Variants in SOX6 observed in about 807,000 individuals in gnomAD.
SOX6 encodes transcription factor SOX-6.
In SOX6, 11 loss-of-function variants were observed where a neutral mutation model predicts 97.8. The observed-to-expected ratio is 0.11, with a 90% CI of 0.07 to 0.19. The LOEUF is 0.19. SOX6 is among the 10% of genes least tolerant of loss of function. The pLI is 1.00. For synonymous variants in SOX6, 360 were observed against 371.4 expected (o/e 0.97, Z 0.35); for missense variants, 810 against 1,039.5 (o/e 0.78, Z 3.04).
chr11:16,253,899 A>G (rs1308223945), intron 3 of SOX6, among the ~76,000 whole-genome samples: 1 of 152,114 alleles, frequency 6.6e-6, no homozygotes, highest in African/African-American at 2.4e-5. Context: ...TAAATGTCCA[A>G]AAAAATACAC....
intron 4 of SOX6, among the ~76,000 whole-genome samples, chr11:16,218,006 T>C (rs1322943431): frequency 1.3e-5 from 2 of 152,108 alleles, no homozygotes; most frequent in Non-Finnish European, 2.9e-5. Flanking sequence ...GTTGATTTTA[T>C]GTTTGCTTCT....
intron 4 of SOX6, among the ~76,000 whole-genome samples, chr11:16,229,139 G>A (rs1209353507): frequency 2.0e-5 from 3 of 151,988 alleles, no homozygotes; most frequent in East Asian, 1.9e-4. Flanking sequence ...CCCTTTCCCA[G>A]CTTCATTACA....
chr11:16,723,117 C>T (rs1030129197), intron 2 of SOX6, among the ~76,000 whole-genome samples: 46 of 152,232 alleles, frequency 3.0e-4, no homozygotes, highest in African/African-American at 9.9e-4. Context: ...AAATATAGTA[C>T]ATATACACCA....
chr11:16,240,387 A>G (rs1036714638), intron 3 of SOX6, among the ~76,000 whole-genome samples: 1 of 151,700 alleles, frequency 6.6e-6, no homozygotes, highest in African/African-American at 2.4e-5. Context: ...TAAGGAAGAA[A>G]AAGCTCCATA....
intron 3 of SOX6, among the ~76,000 whole-genome samples, chr11:16,304,274 C>T (rs1161009355): frequency 6.6e-6 from 1 of 151,990 alleles, no homozygotes; most frequent in Non-Finnish European, 1.5e-5. Flanking sequence ...TTTTGTGTCT[C>T]CCCCAAAATT....
In SOX6 at chr11:16,613,277, CAACTA is replaced by C. The variant is rs1454584684; in HGVS notation, n.430-1022_430-1018del. ...TGTCTGTGTCTCTCTTCCCCACCCCCAACTACCCCTGCCACTCAGATCAGCCGGCA... is the reference window on the plus strand; with the variant it reads ...TGTCTGTGTCTCTCTTCCCCACCCCCCCCCTGCCACTCAGATCAGCCGGCA... On this transcript the variant is annotated intron_variant and non_coding_transcript_variant, in intron 3 of 5. Transcript: ENST00000524520. This position sits in a 1 kb window ranked among gnomAD's most constrained non-coding sequence, Gnocchi z 4.6. 6.6e-6 allele frequency: 1 copy of C among 152,592 alleles called. No individual in the cohort carries two copies. Among genetic ancestry groups the C allele is most frequent in the Non-Finnish European group, 1.5e-5 (1 of 68,398 alleles). The allele number at this position is 152,592 out of a possible 1,614,324, so 9.5% of individuals were successfully genotyped here. A position where few individuals can be genotyped will look rare whatever the true frequency, so the allele number is the denominator to read the frequency against.
At chr11:16,165,668 C>A (rs906188852) in intron 6 of SOX6, among the ~76,000 whole-genome samples, 1 of 151,982 alleles carries the variant, frequency 6.6e-6, no homozygotes, top group Non-Finnish European at 1.5e-5. Context: ...GAGGCCAAGG[C>A]GGGCAGATCA....
intron 1 of SOX6, among the ~76,000 whole-genome samples, chr11:16,415,869 C>T (rs966919823): frequency 5.9e-5 from 9 of 152,064 alleles, no homozygotes; most frequent in African/African-American, 2.4e-5. Context: ...CTGAGTGTAT[C>T]GATTCCTAGA....
rs573956934 is a variant in SOX6, at chr11:16,671,185, G to A, written n.429+43645C>T. Among the ~76,000 whole-genome samples the A allele has an allele frequency of 7.2e-5, 11 of 152,352 alleles. No homozygotes were observed. The South Asian group carries it at 1.7e-3, about 23-fold the overall frequency. On this transcript the variant is annotated intron_variant and non_coding_transcript_variant, in intron 3 of 5. Coordinates refer to the SOX6 transcript ENST00000524520. ...ACTGCAGTTAAAGAAATAGCCACAT[G>A]CAGAGATGAGGAAGAACCAAGACAA...
intron 6 of SOX6, among the ~76,000 whole-genome samples, chr11:16,180,418 T>G (rs1451128888): frequency 6.6e-6 from 1 of 151,730 alleles, no homozygotes; most frequent in Non-Finnish European, 1.5e-5. Flanking sequence ...AAGATCCATA[T>G]TCCATGACCT....
At chr11:16,525,521 T>C (rs1240788918) in intron 4 of SOX6, among the ~76,000 whole-genome samples, 2 of 151,808 alleles carry the variant, frequency 1.3e-5, no homozygotes, top group Non-Finnish European at 2.9e-5. Flanking sequence ...CATAAAACCA[T>C]AAAAACCCTA....
intron 1 of SOX6, among the ~76,000 whole-genome samples, chr11:16,432,229 T>C (rs1397620132): frequency 6.6e-6 from 1 of 152,048 alleles, no homozygotes; most frequent in African/African-American, 2.4e-5. Flanking sequence ...ATGACAAATA[T>C]CTGCGCCCCA....
At chr11:16,573,946 A>G (rs917009085) in intron 4 of SOX6, among the ~76,000 whole-genome samples, 4 of 152,176 alleles carry the variant, frequency 2.6e-5, no homozygotes, top group African/African-American at 9.6e-5. Context: ...TTCATGTTGT[A>G]TAAGAAAAAT....
At chr11:16,611,628 A>C (rs552706749) in intron 4 of SOX6, among the ~76,000 whole-genome samples, 5 of 152,308 alleles carry the variant, frequency 3.3e-5, no homozygotes, top group Middle Eastern at 3.4e-3. Flanking sequence ...AATAACCTGA[A>C]CTACCAAATA....
In SOX6 at chr11:16,278,649, A is replaced by G. The variant is rs1342773805; in HGVS notation, c.445+39797T>C. Among the ~76,000 whole-genome samples the G allele has an allele frequency of 7.9e-5, 12 of 152,206 alleles. No individual in the cohort carries two copies. The East Asian group carries it at 2.1e-3, about 27-fold the overall frequency. On this transcript the variant is annotated intron_variant, in intron 3 of 15. Transcript: ENST00000683767. ...AGTTTAGAGCTTGATTAAAAAAAAAAGAAAGAAATTAGATAGTGAAAGAAA... is the reference window on the plus strand; with the variant it reads ...AGTTTAGAGCTTGATTAAAAAAAAAGGAAAGAAATTAGATAGTGAAAGAAA...
intron 4 of SOX6, among the ~76,000 whole-genome samples, chr11:16,536,258 A>G (rs751679989): frequency 6.6e-6 from 1 of 152,208 alleles, no homozygotes; most frequent in Non-Finnish European, 1.5e-5. Flanking sequence ...ACCATTTCCA[A>G]AATCTGCTGC....
Position 16,560,590 on chromosome 11 carries a change from T to C in SOX6, n.609+51491A>G, listed in dbSNP as rs959255066. Reference sequence around the variant, plus strand: ...ATATGTTTATACGTACATATATGTTTATACGTACATGTATGTTTATACGTA... The same window carrying C: ...ATATGTTTATACGTACATATATGTTCATACGTACATGTATGTTTATACGTA... On this transcript the variant is annotated intron_variant and non_coding_transcript_variant, in intron 4 of 5. Transcript: ENST00000524520. Among the ~76,000 whole-genome samples, 815 of 107,418 alleles carry C rather than the reference T, an allele frequency of 7.6e-3. 79 individuals carry two copies. Among genetic ancestry groups the C allele is most frequent in the African/African-American group, 0.028 (776 of 27,538 alleles). 70.5% of individuals were successfully genotyped at this position (107,418 alleles called of 152,430 possible). A position where few individuals can be genotyped will look rare whatever the true frequency, so the allele number is the denominator to read the frequency against.
chr11:16,282,977 T>C (rs1424873580), intron 3 of SOX6, among the ~76,000 whole-genome samples: 2 of 147,592 alleles, frequency 1.4e-5, no homozygotes, highest in East Asian at 2.0e-4. Context: ...AGAATCAAAA[T>C]TTATTTGGTG....
At chr11:16,205,967 C>T (rs944888441) in intron 4 of SOX6, among the ~76,000 whole-genome samples, 5 of 151,380 alleles carry the variant, frequency 3.3e-5, no homozygotes, top group Non-Finnish European at 7.4e-5. Context: ...AGTGTGGGCT[C>T]TCTGCAATAT....
Sources: allele counts gnomAD v4.1 joint callset (sites outside exome capture counted in the v4.1 genomes callset), GRCh38; gene constraint gnomAD v4.1.1; non-coding constraint Gnocchi (gnomAD v3.1); transcripts MANE v1.5; gene names NCBI Gene and HGNC (gene_info 2026-07-23, HGNC 2026-07-21).